The following ADAMTSL1 variants were observed in gnomAD, a reference collection of about 807,000 sequenced individuals.
ADAMTSL1 encodes ADAMTS-like protein 1.
ADAMTSL1 carries 126 observed loss-of-function variants against 201.8 expected under a neutral mutation model. The observed-to-expected ratio is 0.62, with a 90% CI of 0.54 to 0.72. The LOEUF is 0.72. Among genes scored for constraint, ADAMTSL1 ranks in the 30% least tolerant of loss-of-function variants. ADAMTSL1 has a pLI of 0.00. For missense variants in ADAMTSL1, 2,679 were observed against 2,277.8 expected, an observed-to-expected ratio of 1.18 and a Z score of -3.59; for synonymous variants, 1,121 against 903.4, an observed-to-expected ratio of 1.24 and a Z score of -4.32.
chr9:18,520,806 C>G (rs1000755935), intron 2 of ADAMTSL1, among the ~76,000 whole-genome samples: 3 of 152,008 alleles, frequency 2.0e-5, no homozygotes, highest in Non-Finnish European at 4.4e-5. Flanking sequence ...GCTTGTATAT[C>G]TATCTATTCA....
chr9:18,498,338 C>CCTT (rs1822637361), intron 1 of ADAMTSL1, among the ~76,000 whole-genome samples: 2 of 141,020 alleles, frequency 1.4e-5, no homozygotes, highest in Non-Finnish European at 1.5e-5. Context: ...CCCCCACCCC[C>CCTT]TTTTTTTTTT....
rs184211901 is a variant in ADAMTSL1 at position 18,519,816 on chromosome 9, G to A, written c.192-13431G>A. 2.0e-5 allele frequency among the ~76,000 whole-genome samples: 3 copies of A among 152,312 alleles called. No homozygotes were observed. The East Asian group carries it at 5.8e-4, about 29-fold the overall frequency. On this transcript the variant is annotated intron_variant, in intron 2 of 28. Transcript: ENST00000380548. ...ATTGTCTCATTAGATTTTTTGAGCA[G>A]TATGTTCAGAGCAGTTTCTGGCTTC... is the stretch of plus-strand genomic sequence containing the variant.
chr9:18,664,090 C>CT (rs948977511), intron 9 of ADAMTSL1, among the ~76,000 whole-genome samples: 2 of 151,712 alleles, frequency 1.3e-5, no homozygotes, highest in African/African-American at 4.8e-5. Flanking sequence ...CAGGAAGCTG[C>CT]TTTTTTTTAT....
intron 1 of ADAMTSL1, among the ~76,000 whole-genome samples, chr9:18,149,788 A>G (rs1826827970): frequency 6.6e-6 from 1 of 152,100 alleles, no homozygotes; most frequent in Non-Finnish European, 1.5e-5. Context: ...ATCAAGAAGA[A>G]TGCTATAGTT....
At chr9:18,384,022 C>T (rs144039335) in intron 2 of ADAMTSL1, among the ~76,000 whole-genome samples, 1 of 152,124 alleles carries the variant, frequency 6.6e-6, no homozygotes, top group East Asian at 1.9e-4. Flanking sequence ...TGAGGCTTTA[C>T]ATTACCAAAT....
chr9:18,491,157 G>A (rs751017774), intron 1 of ADAMTSL1, among the ~76,000 whole-genome samples: 6 of 152,168 alleles, frequency 3.9e-5, no homozygotes, highest in Non-Finnish European at 8.8e-5. Context: ...TGAGGCAAAT[G>A]GGGTAGTAAA....
intron 2 of ADAMTSL1, among the ~76,000 whole-genome samples, chr9:18,351,070 A>G (rs1460706695): frequency 6.6e-6 from 1 of 152,160 alleles, no homozygotes; most frequent in Non-Finnish European, 1.5e-5. Context: ...TGAAATAACT[A>G]AAATTGTAAA....
chr9:18,355,814 C>G (rs1836196334), intron 2 of ADAMTSL1, among the ~76,000 whole-genome samples: 1 of 152,120 alleles, frequency 6.6e-6, no homozygotes, highest in African/African-American at 2.4e-5. Context: ...CGAGGCCAGC[C>G]TAGGCAACAC....
chr9:18,869,783 G>A (rs189828068), intron 23 of ADAMTSL1, among the ~76,000 whole-genome samples: 13 of 152,164 alleles, frequency 8.5e-5, no homozygotes, highest in African/African-American at 2.9e-4. Flanking sequence ...CCAGCAATTT[G>A]ACTATGATGT....
rs544521961 is a variant in ADAMTSL1, at chr9:18,490,431, A to G, written c.64-14398A>G. ...ATGTCTGTATGTTCATCACTATGCT[A>G]GGGGGAAAGACTGCTAAAATATTGG... On this transcript the variant is annotated intron_variant, in intron 1 of 28. Coordinates refer to ENST00000380548, the MANE Select transcript of ADAMTSL1 (RefSeq NM_001040272.6). Among the ~76,000 whole-genome samples the G allele has an allele frequency of 2.0e-5, 3 of 152,252 alleles. No homozygotes were observed. In the East Asian group the frequency reaches 5.8e-4, roughly 29 times the overall value.
At chr9:18,131,293 G>T (rs933327588) in intron 1 of ADAMTSL1, among the ~76,000 whole-genome samples, 2 of 152,086 alleles carry the variant, frequency 1.3e-5, no homozygotes, top group African/African-American at 2.4e-5. Context: ...CTGAGAACAA[G>T]ACCCAAAATT....
chr9:18,733,905 C>T (rs1477760335), intron 15 of ADAMTSL1, among the ~76,000 whole-genome samples: 1 of 151,962 alleles, frequency 6.6e-6, no homozygotes, highest in Non-Finnish European at 1.5e-5. Flanking sequence ...CCACCACCCC[C>T]ACCCCCATTC....
intron 23 of ADAMTSL1, among the ~76,000 whole-genome samples, chr9:18,844,920 G>A (rs371078858): frequency 1.6e-4 from 25 of 152,302 alleles, no homozygotes; most frequent in South Asian, 1.5e-3. Flanking sequence ...GGAGTGACCC[G>A]ATTTTCCAGG....
intron 2 of ADAMTSL1, among the ~76,000 whole-genome samples, chr9:18,350,002 C>T (rs1401525105): frequency 1.3e-5 from 2 of 151,646 alleles, no homozygotes; most frequent in African/African-American, 2.4e-5. Context: ...CAAAAAAGCA[C>T]AATGTGTTGT....
chr9:18,060,965 G>A (rs1272030220), intron 1 of ADAMTSL1, among the ~76,000 whole-genome samples: 2 of 152,126 alleles, frequency 1.3e-5, no homozygotes, highest in Non-Finnish European at 2.9e-5. Context: ...AACTAGAAAA[G>A]TAACTCACAC....
intron 1 of ADAMTSL1, among the ~76,000 whole-genome samples, chr9:18,051,053 G>A (rs1586949931): frequency 6.6e-6 from 1 of 152,302 alleles, no homozygotes; most frequent in African/African-American, 2.4e-5. Context: ...TGTAATCCCA[G>A]CACTTTGGGA....
rs1830658201 is a variant in ADAMTSL1, at chr9:18,683,701, T to C, written c.1490-1015T>C. 1.3e-5 allele frequency among the ~76,000 whole-genome samples: 2 copies of C among 152,220 alleles called. 1 individual carries two copies. Among genetic ancestry groups the C allele is most frequent in the South Asian group, 4.1e-4 (2 of 4,836 alleles). The stretch of plus-strand genomic sequence containing the variant: ...GCTGTGCATAGAGAACAAGAAGTGA[T>C]GCCCCTAACTTAAAATAGTCAATTG... On this transcript the variant is annotated intron_variant, in intron 12 of 28. Transcript: ENST00000380548.
At chr9:18,616,478 A>G (rs1825708400) in intron 4 of ADAMTSL1, among the ~76,000 whole-genome samples, 1 of 152,162 alleles carries the variant, frequency 6.6e-6, no homozygotes, top group Admixed American at 6.5e-5. Context: ...ATTAATGTGT[A>G]TCTATTATTT....
At chr9:17,958,477 T>G (rs915912469) in intron 1 of ADAMTSL1, among the ~76,000 whole-genome samples, 2 of 152,126 alleles carry the variant, frequency 1.3e-5, no homozygotes, top group Non-Finnish European at 2.9e-5. Context: ...ATTTGTGGAG[T>G]GCTAATAATG....
Sources: gnomAD v4.1 joint callset for allele counts (sites outside exome capture counted in the v4.1 genomes callset) on GRCh38, gnomAD v4.1.1 for gene constraint, MANE v1.5 for transcripts, NCBI Gene and HGNC (gene_info 2026-07-23, HGNC 2026-07-21) for gene names.